FBXO4: variants seen among roughly 807,000 people sequenced by gnomAD.
FBXO4 encodes F-box only protein 4.
Under a neutral mutation model 43.7 loss-of-function variants are expected in FBXO4, and 36 were observed. The ratio of observed to expected loss-of-function variants is 0.82; its 90% CI spans 0.63 to 1.09. The LOEUF (loss-of-function observed/expected upper bound fraction) is 1.09. Ranked by LOEUF, FBXO4 falls within the 50% of genes least tolerant of loss-of-function variation. The pLI is 0.00. For missense variants in FBXO4, 435 were observed against 474.1 expected (o/e 0.92, Z 0.77); for synonymous variants, 180 against 165.6 (o/e 1.09, Z -0.67).
intron 1 of FBXO4, 88 bp from the exon 2 acceptor site, chr5:41,926,925 T>G (rs1313012671): frequency 4.2e-6 from 3 of 710,422 alleles, no homozygotes; most frequent in South Asian, 4.1e-5. Context: ...GTTGACCTTT[T>G]GTTATTTATT....
chr5:41,958,957 T>G, the FBXO4 span, among the ~76,000 whole-genome samples: 937 of 152,318 alleles, frequency 6.2e-3, 4 homozygotes, highest in Non-Finnish European at 0.012. Context: ...ATTTTTATAT[T>G]TTTAAGGAAA....
intron 5 of FBXO4, 117 bp from the exon 6 acceptor site, chr5:41,939,324 A>G: frequency 3.4e-6 from 3 of 869,650 alleles, no homozygotes; most frequent in East Asian, 2.6e-5. Flanking sequence ...TTTTTCCCTC[A>G]GTTTATGTTT....
intron 5 of FBXO4, among the ~76,000 whole-genome samples, chr5:41,936,998 T>C (rs575088501): frequency 1.1e-4 from 17 of 152,112 alleles, no homozygotes; most frequent in African/African-American, 3.9e-4. Context: ...CCAATAAAAA[T>C]TTATTTAGAA....
the FBXO4 span, among the ~76,000 whole-genome samples, chr5:42,019,219 C>G: frequency 1.3e-5 from 2 of 151,944 alleles, no homozygotes; most frequent in African/African-American, 2.4e-5. Context: ...TTAAAATGTG[C>G]TGTAAATATA....
Position 41,927,204 on chromosome 5 carries a change from T to C in FBXO4, c.381T>C (p.Pro127=). 3.7e-6 allele frequency: 6 copies of C among 1,613,134 alleles called. No individual in the cohort carries two copies. Among genetic ancestry groups the C allele is most frequent in the Non-Finnish European group, 5.1e-6 (6 of 1,179,722 alleles). Reference sequence around the variant, plus strand: ...CAGATCTAGAAATCTTAAAAAAGCCTATATCTGAGGTCACTGATGGTGCAT... The same window carrying C: ...CAGATCTAGAAATCTTAAAAAAGCCCATATCTGAGGTCACTGATGGTGCAT... ...SLPDLEILKK[P]ISEVTDGAFF... Residue 127 remains proline, a synonymous_variant, in exon 2 of 7, where the codon CCT becomes CCC. Transcript: ENST00000281623.
chr5:41,934,955 A>T (rs2112580558), intron 5 of FBXO4: 2 of 973,742 alleles, frequency 2.1e-6, no homozygotes, highest in East Asian at 2.3e-4. Flanking sequence ...TATATATATT[A>T]TAGTTCTCTA....
the FBXO4 span, among the ~76,000 whole-genome samples, chr5:42,028,236 A>G: frequency 6.6e-6 from 1 of 151,860 alleles, no homozygotes; most frequent in Non-Finnish European, 1.5e-5. Flanking sequence ...AAATTGTTAT[A>G]TTCTTTTGCT....
intron 5 of FBXO4, chr5:41,934,663 AT>A: frequency 9.2e-7 from 1 of 1,087,670 alleles, no homozygotes; most frequent in Non-Finnish European, 1.1e-6. Flanking sequence ...ATGCTTCTGC[AT>A]TTTTTTGATA....
chr5:42,013,232 A>G, the FBXO4 span, among the ~76,000 whole-genome samples: 1 of 152,258 alleles, frequency 6.6e-6, no homozygotes, highest in Admixed American at 6.5e-5. Flanking sequence ...GTGAGCCACA[A>G]TTGCACTACT....
At chr5:42,006,036 CT>C in the FBXO4 span, among the ~76,000 whole-genome samples, 8 of 152,038 alleles carry the variant, frequency 5.3e-5, no homozygotes, top group African/African-American at 1.7e-4. Flanking sequence ...ATGTTTGGCT[CT>C]TTTGTATTTA....
At chr5:42,034,721 A>G in the FBXO4 span, among the ~76,000 whole-genome samples, 1 of 152,104 alleles carries the variant, frequency 6.6e-6, no homozygotes, top group South Asian at 2.1e-4. Context: ...CTATTGGTCT[A>G]TGTATCTATT....
the FBXO4 span, among the ~76,000 whole-genome samples, chr5:41,962,856 C>A: frequency 1.3e-5 from 2 of 152,180 alleles, no homozygotes; most frequent in Non-Finnish European, 2.9e-5. Context: ...ATAAAAATTC[C>A]TTAAATGTTC....
At chr5:42,032,876 C>T in the FBXO4 span, among the ~76,000 whole-genome samples, 2 of 152,148 alleles carry the variant, frequency 1.3e-5, no homozygotes, top group African/African-American at 4.8e-5. Flanking sequence ...AGAGGCTCAC[C>T]CAAAGCCCTC....
the FBXO4 span, among the ~76,000 whole-genome samples, chr5:42,004,951 A>G: frequency 6.6e-6 from 1 of 152,158 alleles, no homozygotes; most frequent in African/African-American, 2.4e-5. Flanking sequence ...GCATTGATTG[A>G]TTGATCTAAA....
intron 5 of FBXO4, chr5:41,935,175 C>T: frequency 1.0e-6 from 1 of 978,238 alleles, no homozygotes; most frequent in Non-Finnish European, 1.2e-6. Context: ...ATAGCCCCTA[C>T]TTTTATCTAG....
the FBXO4 span, among the ~76,000 whole-genome samples, chr5:42,010,531 T>A: frequency 0.023 from 3,569 of 152,068 alleles, 93 homozygotes; most frequent in Admixed American, 0.076. Context: ...AAGAATTTAC[T>A]TCTTTTCTAA....
chr5:42,029,585 T>A, the FBXO4 span, among the ~76,000 whole-genome samples: 1 of 152,068 alleles, frequency 6.6e-6, no homozygotes, highest in African/African-American at 2.4e-5. Flanking sequence ...AGATTTGCCA[T>A]CTTGAGGCTA....
intron 5 of FBXO4, chr5:41,935,024 G>A (rs1301077825): frequency 4.1e-6 from 4 of 985,082 alleles, no homozygotes; most frequent in Non-Finnish European, 4.8e-6. Context: ...AGGCATGAAA[G>A]CAGTTGCAAT....
chr5:41,951,513 C>A, the FBXO4 span: 1 of 258,108 alleles, frequency 3.9e-6, no homozygotes, highest in South Asian at 4.7e-5. Flanking sequence ...GAAGTCTGTT[C>A]GCCCTGAAAT....
Sources: gnomAD v4.1 joint callset for allele counts (sites outside exome capture counted in the v4.1 genomes callset) on GRCh38, gnomAD v4.1.1 for gene constraint, MANE v1.5 for transcripts, NCBI Gene and HGNC (gene_info 2026-07-23, HGNC 2026-07-21) for gene names.